Variants in MLLT11 observed in about 807,000 individuals in gnomAD.
MLLT11 encodes the protein protein AF1q.
Under a neutral mutation model 5.3 loss-of-function variants are expected in MLLT11, and 1 was observed. The ratio of observed to expected loss-of-function variants is 0.19; its 90% CI spans 0.07 to 0.89. The LOEUF (loss-of-function observed/expected upper bound fraction) is 0.89. MLLT11 is among the 40% of genes least tolerant of loss of function. The pLI is 0.67. For missense variants in MLLT11, 87 were observed against 107.3 expected (o/e 0.81, Z 0.83); for synonymous variants, 38 against 41.7 (o/e 0.91, Z 0.34).
rs1676500132 is a variant in MLLT11, at chr1:151,068,094, G to A, written c.*597G>A. On this transcript the variant is annotated 3_prime_UTR_variant, in exon 2 of 2. Coordinates refer to ENST00000368921, the MANE Select transcript of MLLT11 (RefSeq NM_006818.4). Reference sequence around the variant, plus strand: ...AACAGGAGGAAATATTATGGAAAATGAAAATAGGGAAAATAATTGAATCAT... The same window carrying A: ...AACAGGAGGAAATATTATGGAAAATAAAAATAGGGAAAATAATTGAATCAT... 4.2e-6 allele frequency: 1 copy of A among 240,032 alleles called. No homozygotes were observed. Among genetic ancestry groups the A allele is most frequent in the East Asian group, 6.5e-5 (1 of 15,326 alleles). The allele number at this position is 240,032 out of a possible 1,614,324, so 14.9% of individuals were successfully genotyped here. A position where few individuals can be genotyped will look rare whatever the true frequency, so the allele number is the denominator to read the frequency against.
rs1676492960 is a variant in MLLT11 at position 151,067,574 on chromosome 1, A to G, written c.*77A>G. The G allele has an allele frequency of 7.5e-6, 11 of 1,463,048 alleles. No homozygotes were observed. The highest frequency in any genetic ancestry group is 1.0e-5 in the Non-Finnish European group (11 of 1,064,948). 90.6% of individuals were successfully genotyped at this position (1,463,048 alleles called of 1,614,324 possible). A position where few individuals can be genotyped will look rare whatever the true frequency, so the allele number is the denominator to read the frequency against. ...GCCCCTTCCTTTCCACTCCTTTCCC[A>G]TTTTAATCTTGTTCTCTCCCTACTG... On this transcript the variant is annotated 3_prime_UTR_variant, in exon 2 of 2. Transcript: ENST00000368921.
chr1:151,067,143 G>T, intron 1 of MLLT11, 76 bp from the exon 2 acceptor site: 4 of 1,228,416 alleles, frequency 3.3e-6, no homozygotes, highest in Non-Finnish European at 4.6e-6. Context: ...AGTATGTGGA[G>T]TATCTAAGCA....
chr1:151,067,190 A>G, intron 1 of MLLT11, 29 bp from the exon 2 acceptor site: 1 of 1,602,896 alleles, frequency 6.2e-7, no homozygotes, highest in Non-Finnish European at 8.5e-7. Context: ...TTGCTGTAGC[A>G]TGAAGACTGA....
intron 1 of MLLT11, 115 bp from the exon 2 acceptor site, chr1:151,067,104 A>AAAAAG (rs1676485492): frequency 1.2e-6 from 1 of 859,728 alleles, no homozygotes; most frequent in Non-Finnish European, 1.7e-6. Flanking sequence ...TTAATAGAAA[A>AAAAAG]AAAAAAAAAA....
At chr1:151,062,653 G>T (rs377416291) in intron 1 of MLLT11, among the ~76,000 whole-genome samples, 1 of 151,844 alleles carries the variant, frequency 6.6e-6, no homozygotes, top group Non-Finnish European at 1.5e-5. Context: ...GTGCCACCGC[G>T]CCTGGCCCCA....
intron 1 of MLLT11, among the ~76,000 whole-genome samples, chr1:151,065,928 G>A (rs1396824519): frequency 6.6e-6 from 1 of 152,164 alleles, no homozygotes; most frequent in East Asian, 1.9e-4. Context: ...TGGAACCTCT[G>A]CTTCCTAGGC....
intron 1 of MLLT11, among the ~76,000 whole-genome samples, chr1:151,065,706 C>T (rs1015896914): frequency 3.3e-5 from 5 of 152,176 alleles, no homozygotes; most frequent in African/African-American, 7.2e-5. Context: ...AGAAAAGTCA[C>T]GGAAGGTCTT....
At chr1:151,065,405 A>G (rs1281175398) in intron 1 of MLLT11, among the ~76,000 whole-genome samples, 1 of 152,236 alleles carries the variant, frequency 6.6e-6, no homozygotes, top group Non-Finnish European at 1.5e-5. Flanking sequence ...TCTGGTTTTA[A>G]GACAAGGGGT....
intron 1 of MLLT11, among the ~76,000 whole-genome samples, chr1:151,066,082 C>T (rs1456421131): frequency 8.5e-5 from 13 of 152,120 alleles, no homozygotes; most frequent in African/African-American, 4.8e-5. Flanking sequence ...TCAAGTCATC[C>T]GCCTGCCTTA....
In MLLT11 at chr1:151,067,563, A is replaced by G; in HGVS notation, c.*66A>G. The stretch of plus-strand genomic sequence containing the variant: ...TTCCCTCTCAAGCCCCTTCCTTTCC[A>G]CTCCTTTCCCATTTTAATCTTGTTC... On this transcript the variant is annotated 3_prime_UTR_variant, in exon 2 of 2. Coordinates refer to ENST00000368921, the MANE Select transcript of MLLT11 (RefSeq NM_006818.4). The G allele has an allele frequency of 6.7e-7, 1 of 1,496,830 alleles. No individual in the cohort carries two copies. The highest frequency in any genetic ancestry group is 9.1e-7 in the Non-Finnish European group (1 of 1,094,092). The allele number at this position is 1,496,830 out of a possible 1,614,324, so 92.7% of individuals were successfully genotyped here. A position where few individuals can be genotyped will look rare whatever the true frequency, so the allele number is the denominator to read the frequency against.
At chr1:151,064,031 C>CT (rs5777756) in intron 1 of MLLT11, among the ~76,000 whole-genome samples, 106,317 of 148,672 alleles carry the variant, frequency 0.72, 38,591 homozygotes, top group East Asian at 0.89. Context: ...TTTATTATTA[C>CT]TTTTTTTGAG....
At chr1:151,063,524 C>T (rs867785639) in intron 1 of MLLT11, among the ~76,000 whole-genome samples, 2 of 152,212 alleles carry the variant, frequency 1.3e-5, no homozygotes, top group South Asian at 2.1e-4. Flanking sequence ...CTCCCAGGTT[C>T]GCGCCATTCT....
Position 151,069,495 on chromosome 1 carries a change from G to A in MLLT11, c.*1998G>A, listed in dbSNP as rs113996209. Among the ~76,000 whole-genome samples, 1,154 of 152,298 alleles carry A rather than the reference G, an allele frequency of 7.6e-3. 11 individuals carry two copies. The highest frequency in any genetic ancestry group is 0.024 in the African/African-American group (999 of 41,568). On this transcript the variant is annotated 3_prime_UTR_variant, in exon 2 of 2. Transcript: ENST00000368921. ...CAGAGTCCTTCAGCCATGGCAATTGGTGGGTGGAGACAGGGATCAACTGTT... is the reference window on the plus strand; with the variant it reads ...CAGAGTCCTTCAGCCATGGCAATTGATGGGTGGAGACAGGGATCAACTGTT...
chr1:151,066,313 A>AT (rs1676476097), intron 1 of MLLT11, among the ~76,000 whole-genome samples: 1 of 152,052 alleles, frequency 6.6e-6, no homozygotes, highest in East Asian at 1.9e-4. Context: ...AACATTTTGT[A>AT]TTTTTAGTAG....
Position 151,068,016 on chromosome 1 carries a change from T to A in MLLT11, c.*519T>A, listed in dbSNP as rs1676498790. ...GTCTCTTGCTTTTTTTTGATCCTGC[T>A]CTTATATTCTTTTTTTTCCTCAGAG... On this transcript the variant is annotated 3_prime_UTR_variant, in exon 2 of 2. Coordinates refer to ENST00000368921, the MANE Select transcript of MLLT11 (RefSeq NM_006818.4). The A allele has an allele frequency of 4.1e-6, 1 of 243,586 alleles. No individual in the cohort carries two copies. The highest frequency in any genetic ancestry group is 5.7e-5 in the Admixed American group (1 of 17,664). 15.1% of individuals were successfully genotyped at this position (243,586 alleles called of 1,614,324 possible). A position where few individuals can be genotyped will look rare whatever the true frequency, so the allele number is the denominator to read the frequency against.
intron 1 of MLLT11, among the ~76,000 whole-genome samples, chr1:151,063,527 G>A (rs1244179781): frequency 1.3e-5 from 2 of 152,134 alleles, no homozygotes; most frequent in Non-Finnish European, 2.9e-5. Flanking sequence ...CCAGGTTCGC[G>A]CCATTCTCCT....
At chr1:151,063,734 G>A (rs1195127840) in intron 1 of MLLT11, among the ~76,000 whole-genome samples, 1 of 152,116 alleles carries the variant, frequency 6.6e-6, no homozygotes, top group Admixed American at 6.5e-5. Context: ...CACAACTAAT[G>A]CTTCTTGACC....
At chr1:151,063,771 G>A (rs1178959589) in intron 1 of MLLT11, among the ~76,000 whole-genome samples, 3 of 152,194 alleles carry the variant, frequency 2.0e-5, no homozygotes, top group Non-Finnish European at 4.4e-5. Context: ...CAGGGTGGAG[G>A]CTGTAGGCAG....
At position 151,068,644 on chromosome 1, in the gene MLLT11, C is replaced by T. The variant is rs587643815; in HGVS notation, c.*1147C>T. The stretch of plus-strand genomic sequence containing the variant: ...TGTCACCCAGGCTGGAGTGCAGTGG[C>T]GGGGATCACCGCTCACTGCAACCTC... On this transcript the variant is annotated 3_prime_UTR_variant, in exon 2 of 2. Transcript: ENST00000368921. 7.8e-5 allele frequency: 13 copies of T among 167,636 alleles called. No individual in the cohort carries two copies. The South Asian group carries it at 2.0e-3, about 26-fold the overall frequency. 10.4% of individuals were successfully genotyped at this position (167,636 alleles called of 1,614,324 possible). A position where few individuals can be genotyped will look rare whatever the true frequency, so the allele number is the denominator to read the frequency against.
Sources: gnomAD v4.1 joint callset for allele counts (sites outside exome capture counted in the v4.1 genomes callset) on GRCh38, gnomAD v4.1.1 for gene constraint, MANE v1.5 for transcripts, NCBI Gene and HGNC (gene_info 2026-07-23, HGNC 2026-07-21) for gene names.